ACOT11: variants seen among roughly 807,000 people sequenced by gnomAD.
The protein encoded by ACOT11 is acyl-CoA thioesterase 11, also known as acyl-coenzyme A thioesterase 11.
Under a neutral mutation model 77.5 loss-of-function variants are expected in ACOT11, and 69 were observed. The observed-to-expected ratio is 0.89, with a 90% CI of 0.73 to 1.09. The LOEUF (loss-of-function observed/expected upper bound fraction) is 1.09, where lower values mean the gene tolerates loss of function less well. ACOT11 is among the 50% of genes least tolerant of loss of function. The probability of loss-of-function intolerance (pLI) is 0.00; values close to 1 mark genes in which losing one functional copy is unlikely to be tolerated. For synonymous variants in ACOT11, 279 were observed against 313.0 expected, an observed-to-expected ratio of 0.89 and a Z score of 1.15; for missense variants, 766 against 813.7, an observed-to-expected ratio of 0.94 and a Z score of 0.71.
chr1:54,587,397 C>T (rs187545335), intron 3 of ACOT11, among the ~76,000 whole-genome samples: 2,190 of 151,598 alleles, frequency 0.014, 41 homozygotes, highest in East Asian at 0.059. Flanking sequence ...ACCTGTAATC[C>T]CAGCTACTCG....
At chr1:54,617,744 T>TA (rs1644188856) in intron 15 of ACOT11, among the ~76,000 whole-genome samples, 11 of 114,488 alleles carry the variant, frequency 9.6e-5, no homozygotes, top group African/African-American at 3.7e-4. Context: ...TTTTTTTTTT[T>TA]ATGAAGTCTC....
At chr1:54,564,743 T>C (rs1569661483) in intron 1 of ACOT11, among the ~76,000 whole-genome samples, 1 of 152,182 alleles carries the variant, frequency 6.6e-6, no homozygotes, top group Non-Finnish European at 1.5e-5. Context: ...CTCTGGCTGG[T>C]TCTTGACCGG....
rs761357493 is a variant in ACOT11 at position 54,604,443 on chromosome 1, C to A, written c.1236+14C>A. ...GAGATCAGTCAGGTAGCTGACCCCA[C>A]CCACCCAATTTTCCTTTCTCATCTG... On this transcript the variant is annotated intron_variant, in intron 12 of 15. Transcript: ENST00000343744. The A allele has an allele frequency of 2.5e-6, 4 of 1,613,342 alleles. No homozygotes were observed. In the African/African-American group the frequency reaches 4.0e-5, roughly 16 times the overall value.
At position 54,627,119 on chromosome 1, in the gene ACOT11, A is replaced by C. The variant is rs183893231; in HGVS notation, c.1630-3615A>C. ...TGATCCACTCACCTCAGCCTCCCAA[A>C]GTGCTGGGATTATAGGCGTGAGCCA... is the stretch of plus-strand genomic sequence containing the variant. On this transcript the variant is annotated intron_variant, in intron 15 of 16. Coordinates refer to the ACOT11 transcript ENST00000371316. Among the ~76,000 whole-genome samples the C allele has an allele frequency of 9.7e-4, 132 of 135,796 alleles. 30 individuals are homozygous for C. Among genetic ancestry groups the C allele is most frequent in the Admixed American group, 3.1e-3 (41 of 13,314 alleles). The allele number at this position is 135,796 out of a possible 152,430, so 89.1% of individuals were successfully genotyped here.
chr1:54,556,527 T>C (rs1653263151), intron 1 of ACOT11, among the ~76,000 whole-genome samples: 1 of 152,130 alleles, frequency 6.6e-6, no homozygotes, highest in Non-Finnish European at 1.5e-5. Flanking sequence ...GAACATGGGA[T>C]CTTTTCATTT....
downstream of ACOT11, chr1:54,614,948 G>C: frequency 7.8e-7 from 1 of 1,282,032 alleles, no homozygotes; most frequent in South Asian, 1.4e-5. Context: ...GGGTGTGTGT[G>C]TGTGTGCATG....
At chr1:54,606,534 A>C (rs1190315796) in intron 13 of ACOT11, among the ~76,000 whole-genome samples, 1 of 152,110 alleles carries the variant, frequency 6.6e-6, no homozygotes, top group Non-Finnish European at 1.5e-5. Context: ...CTGGGGATAC[A>C]TCTCTGCCAC....
chr1:54,569,105 A>ACT (rs552737967), intron 1 of ACOT11, among the ~76,000 whole-genome samples: 283 of 146,286 alleles, frequency 1.9e-3, no homozygotes, highest in African/African-American at 4.1e-3. Flanking sequence ...ACAGAGCAAG[A>ACT]CTCTCTCGAA....
chr1:54,551,356 CAAGT>C (rs759818643), intron 1 of ACOT11, among the ~76,000 whole-genome samples: 13 of 152,264 alleles, frequency 8.5e-5, no homozygotes, highest in South Asian at 6.2e-4. Flanking sequence ...GGGTACCCAG[CAAGT>C]GAGTGGGCGA....
At chr1:54,548,803 G>A (rs952006006) in intron 1 of ACOT11, among the ~76,000 whole-genome samples, 44 of 152,260 alleles carry the variant, frequency 2.9e-4, no homozygotes, top group African/African-American at 1.1e-3. Context: ...GGCGTTCTTG[G>A]GGAGCAGAAC....
At chr1:54,593,788 C>G (rs1557659897) in intron 4 of ACOT11, among the ~76,000 whole-genome samples, 153 bp from the exon 5 acceptor site, 2 of 152,188 alleles carry the variant, frequency 1.3e-5, no homozygotes, top group Non-Finnish European at 1.5e-5. Context: ...CAAACCCCCC[C>G]TCAGATCTCT....
At chr1:54,595,446 C>G (rs1020659450) in intron 6 of ACOT11, among the ~76,000 whole-genome samples, 2 of 152,040 alleles carry the variant, frequency 1.3e-5, no homozygotes, top group African/African-American at 4.8e-5. Flanking sequence ...CTCACACACA[C>G]GTATATATAT....
At chr1:54,583,680 G>T (rs1018647453) in intron 1 of ACOT11, among the ~76,000 whole-genome samples, 1 of 149,458 alleles carries the variant, frequency 6.7e-6, no homozygotes, top group Non-Finnish European at 1.5e-5. Flanking sequence ...TCATAGGTTT[G>T]TTGGGAGGAT....
At chr1:54,601,004 G>A (rs1319257073) in intron 8 of ACOT11, among the ~76,000 whole-genome samples, 2 of 152,168 alleles carry the variant, frequency 1.3e-5, no homozygotes, top group Non-Finnish European at 2.9e-5. Context: ...CAATGGTGGA[G>A]GGAGCGGTCC....
intron 1 of ACOT11, among the ~76,000 whole-genome samples, chr1:54,563,062 T>C (rs1003489100): frequency 6.6e-6 from 1 of 151,186 alleles, no homozygotes; most frequent in African/African-American, 2.4e-5. Context: ...AGGCGGCTGC[T>C]CCTTGCCCTC....
intron 16 of ACOT11, among the ~76,000 whole-genome samples, chr1:54,631,933 G>A (rs1455416505): frequency 6.6e-6 from 1 of 152,166 alleles, no homozygotes; most frequent in Non-Finnish European, 1.5e-5. Flanking sequence ...TGATGGTATC[G>A]GAGGTAATCT....
intron 16 of ACOT11, among the ~76,000 whole-genome samples, chr1:54,634,502 C>G (rs887665981): frequency 6.6e-6 from 1 of 152,078 alleles, no homozygotes; most frequent in Non-Finnish European, 1.5e-5. Context: ...ATTGAAAATG[C>G]TCAGTTATGA....
intron 6 of ACOT11, among the ~76,000 whole-genome samples, chr1:54,595,283 T>C (rs974733213): frequency 3.3e-5 from 5 of 150,244 alleles, no homozygotes; most frequent in African/African-American, 9.8e-5. Context: ...GAGGCGGAGA[T>C]TGCAGTGAGC....
At chr1:54,590,838 T>A (rs1654687129) in intron 3 of ACOT11, among the ~76,000 whole-genome samples, 1 of 152,190 alleles carries the variant, frequency 6.6e-6, no homozygotes, top group Admixed American at 6.5e-5. Flanking sequence ...CACGGCAACC[T>A]CCGCCTCCTG....
Sources: gnomAD v4.1 joint callset for allele counts (sites outside exome capture counted in the v4.1 genomes callset) on GRCh38, gnomAD v4.1.1 for gene constraint, MANE v1.5 for transcripts, NCBI Gene and HGNC (gene_info 2026-07-23, HGNC 2026-07-21) for gene names.